Variants in PCNX2 observed in about 807,000 individuals in gnomAD.
The protein encoded by PCNX2 is pecanex 2, also known as pecanex-like protein 2.
Under a neutral mutation model 223.8 loss-of-function variants are expected in PCNX2, and 168 were observed. That is an observed-to-expected ratio of 0.75 (90% CI 0.66 to 0.85). The LOEUF is 0.85. Ranked by LOEUF, PCNX2 falls within the 40% of genes least tolerant of loss-of-function variation. PCNX2 has a pLI of 0.00. For missense variants in PCNX2, 2,507 were observed against 2,675.5 expected, an observed-to-expected ratio of 0.94 and a Z score of 1.39; for synonymous variants, 1,006 against 1,052.6, an observed-to-expected ratio of 0.96 and a Z score of 0.86.
At chr1:233,022,614 G>A in intron 26 of PCNX2, among the ~76,000 whole-genome samples, 1 of 151,916 alleles carries the variant, frequency 6.6e-6, no homozygotes, top group Non-Finnish European at 1.5e-5. Flanking sequence ...TGGGGGGGGA[G>A]TGGGAAACAC....
chr1:233,060,067 T>C (rs1412456095), intron 23 of PCNX2, among the ~76,000 whole-genome samples: 1 of 152,194 alleles, frequency 6.6e-6, no homozygotes, highest in Admixed American at 6.5e-5. Flanking sequence ...TACGGATGGA[T>C]TGGAGAGAAG....
rs1572166189 is a variant in PCNX2, at chr1:233,259,377, A to G, written c.518-33T>C. 3.2e-6 allele frequency: 5 copies of G among 1,557,274 alleles called. No individual in the cohort carries two copies. The East Asian group carries it at 1.1e-4, about 36-fold the overall frequency. ...GACACATGGCAACTTTATTAGCATC[A>G]GAAATGAATGAGTAATGCCCAAGAG... On this transcript the variant is annotated intron_variant, in intron 4 of 33. Transcript: ENST00000258229.
chr1:233,025,385 G>A lies in PCNX2; in HGVS notation c.4366C>T (p.Gln1456Ter). The A allele has an allele frequency of 6.2e-7, 1 of 1,613,908 alleles. No homozygotes were observed. Among genetic ancestry groups the A allele is most frequent in the Non-Finnish European group, 8.5e-7 (1 of 1,179,824 alleles). The change falls in exon 26 of 34, where the codon CAG (glutamine) becomes TAG (stop). Residue 1456 changes from glutamine (Q) to a stop codon, truncating the protein, a stop_gained. Transcript: ENST00000258229. LOFTEE classifies it high-confidence loss of function. The part of the protein sequence containing the change: ...GLEFRGTYCQ[Q>*]REVEAIMEGD... ...TCCATGATGGCTTCTACCTCCCTCT[G>A]CTGGCAGTAGGTTCCTGGCCGAGCA...
chr1:233,185,461 C>T (rs1032282664), intron 15 of PCNX2, among the ~76,000 whole-genome samples: 1 of 152,086 alleles, frequency 6.6e-6, no homozygotes, highest in Non-Finnish European at 1.5e-5. Flanking sequence ...GACATCTCAC[C>T]ACTTTTCATT....
chr1:233,112,711 G>GGTCGGCGT, intron 21 of PCNX2: 1 of 744,558 alleles, frequency 1.3e-6, no homozygotes, highest in South Asian at 2.2e-5. Flanking sequence ...GTAGATCTTT[G>GGTCGGCGT]AACAATATAA....
At chr1:233,206,400 C>T (rs963296765) in intron 13 of PCNX2, among the ~76,000 whole-genome samples, 31 of 138,966 alleles carry the variant, frequency 2.2e-4, no homozygotes, top group Admixed American at 7.1e-4. Context: ...GCAAAGTGTG[C>T]CATCATGAGT....
rs773107053 is a variant in PCNX2, at chr1:233,057,348, T to C, written c.4077-58A>G. The C allele has an allele frequency of 4.3e-6, 6 of 1,384,648 alleles. No homozygotes were observed. In the Admixed American group the frequency reaches 1.1e-4, roughly 26 times the overall value. 85.8% of individuals were successfully genotyped at this position (1,384,648 alleles called of 1,614,324 possible). A position where few individuals can be genotyped will look rare whatever the true frequency, so the allele number is the denominator to read the frequency against. On this transcript the variant is annotated intron_variant, in intron 23 of 33. Transcript: ENST00000258229. ...GATTAGATCCCCCCAAGCAGAAGAG[T>C]TGGTTTATAGAACCAGCTGCATGAG... is the stretch of plus-strand genomic sequence containing the variant.
At chr1:233,321,316 G>T in the PCNX2 span, among the ~76,000 whole-genome samples, 4 of 151,454 alleles carry the variant, frequency 2.6e-5, no homozygotes, top group African/African-American at 9.7e-5. Context: ...TTATTTTTTT[G>T]AGACAGCGTC....
intron 15 of PCNX2, among the ~76,000 whole-genome samples, chr1:233,186,859 C>G (rs1311701570): frequency 6.6e-6 from 1 of 152,072 alleles, no homozygotes; most frequent in Non-Finnish European, 1.5e-5. Flanking sequence ...CCAAGTCTAT[C>G]TATAGCTACA....
At chr1:233,110,884 C>T (rs1220480006) in intron 21 of PCNX2, among the ~76,000 whole-genome samples, 1 of 151,148 alleles carries the variant, frequency 6.6e-6, no homozygotes, top group Non-Finnish European at 1.5e-5. Context: ...TGTAACAACA[C>T]CACACATATA....
intron 8 of PCNX2, among the ~76,000 whole-genome samples, chr1:233,240,525 T>C (rs1658700082): frequency 1.3e-5 from 2 of 152,258 alleles, no homozygotes; most frequent in South Asian, 4.1e-4. Flanking sequence ...GTAACTATTC[T>C]GTGAACTACA....
At chr1:233,282,883 A>G (rs73093230) in intron 1 of PCNX2, among the ~76,000 whole-genome samples, 1,768 of 152,338 alleles carry the variant, frequency 0.012, 34 homozygotes, top group African/African-American at 0.04. Context: ...CTAAAATTAT[A>G]TAGCTACAAG....
intron 19 of PCNX2, among the ~76,000 whole-genome samples, chr1:233,151,729 C>T (rs1459188486): frequency 6.6e-6 from 1 of 152,124 alleles, no homozygotes; most frequent in Non-Finnish European, 1.5e-5. Context: ...GGCTGGAGTG[C>T]AATGGCACAA....
chr1:233,100,417 C>CAAAAAAAA (rs5781726), intron 21 of PCNX2, among the ~76,000 whole-genome samples: 1 of 81,072 alleles, frequency 1.2e-5, no homozygotes, highest in African/African-American at 4.9e-5. Context: ...GATTCTGTCT[C>CAAAAAAAA]AAAAAAAAAA....
At chr1:233,128,984 C>T (rs1488727937) in intron 21 of PCNX2, among the ~76,000 whole-genome samples, 1 of 152,234 alleles carries the variant, frequency 6.6e-6, no homozygotes, top group African/African-American at 2.4e-5. Context: ...CCCTCGCTCA[C>T]TCTTGGCGCC....
intron 21 of PCNX2, among the ~76,000 whole-genome samples, chr1:233,099,754 T>C (rs1674377823): frequency 6.6e-6 from 1 of 152,140 alleles, no homozygotes; most frequent in Admixed American, 6.5e-5. Flanking sequence ...GAAAAGTATA[T>C]GAAGAGGGAC....
chr1:233,087,860 C>T (rs551545757), intron 23 of PCNX2, among the ~76,000 whole-genome samples: 1 of 152,118 alleles, frequency 6.6e-6, no homozygotes, highest in African/African-American at 2.4e-5. Context: ...ACCCACAGAC[C>T]CTGAAGCCCT....
At chr1:233,172,494 T>A in intron 17 of PCNX2, 4 of 985,400 alleles carry the variant, frequency 4.1e-6, no homozygotes, top group Non-Finnish European at 4.8e-6. Context: ...CACTTCCTGG[T>A]GTGGAGGGTG....
chr1:233,027,192 G>A (rs1232439042), intron 25 of PCNX2, among the ~76,000 whole-genome samples: 1 of 152,174 alleles, frequency 6.6e-6, no homozygotes, highest in Non-Finnish European at 1.5e-5. Context: ...GATGCTTACA[G>A]GTCAAATTAC....
Sources: gnomAD v4.1 joint callset for allele counts (sites outside exome capture counted in the v4.1 genomes callset) on GRCh38, gnomAD v4.1.1 for gene constraint, MANE v1.5 for transcripts, NCBI Gene and HGNC (gene_info 2026-07-23, HGNC 2026-07-21) for gene names.